The following TEX11 variants were observed in gnomAD, a reference collection of about 807,000 sequenced individuals.
TEX11 encodes testis-expressed protein 11.
TEX11 carries 7 observed loss-of-function variants against 84.4 expected under a neutral mutation model. The ratio of observed to expected loss-of-function variants is 0.08; its 90% CI spans 0.05 to 0.16. The LOEUF is 0.16. Ranked by LOEUF, TEX11 falls within the 10% of genes least tolerant of loss-of-function variation. The pLI is 1.00. For missense variants in TEX11, 551 were observed against 660.5 expected, an observed-to-expected ratio of 0.83 and a Z score of 1.82; for synonymous variants, 264 against 222.8, an observed-to-expected ratio of 1.18 and a Z score of -1.64.
intron 5 of TEX11, among the ~76,000 whole-genome samples, chrX:70,854,872 C>T (rs1300977306): frequency 9.5e-6 from 1 of 105,095 alleles, no homozygotes; most frequent in African/African-American, 3.5e-5. Flanking sequence ...ACGGTGAGAC[C>T]CCCATCTCTG....
At chrX:70,789,168 C>T (rs1193800249) in intron 9 of TEX11, among the ~76,000 whole-genome samples, 22 of 103,859 alleles carry the variant, frequency 2.1e-4, no homozygotes, top group African/African-American at 6.7e-4. Flanking sequence ...AAATACAACA[C>T]GACCCTGTCT....
chrX:70,553,295 T>C lies in TEX11; in HGVS notation c.2399+11A>G. The C allele has an allele frequency of 8.8e-7, 1 of 1,132,412 alleles. No individual in the cohort carries two copies. Among genetic ancestry groups the C allele is most frequent in the Admixed American group, 2.4e-5 (1 of 42,310 alleles). 93.3% of individuals were successfully genotyped at this position (1,132,412 alleles called of 1,213,427 possible). ...TTTGGCTAGCAAAAAGGCTGGATTG[T>C]ATTTACTAACCTGTATTGTGATATA... On this transcript the variant is annotated intron_variant, in intron 27 of 29. Coordinates refer to ENST00000374333, the MANE Select transcript of TEX11 (RefSeq NM_031276.3).
chrX:70,545,666 A>G (rs1448504704), intron 28 of TEX11, among the ~76,000 whole-genome samples: 8 of 112,677 alleles, frequency 7.1e-5, no homozygotes, highest in African/African-American at 2.6e-4. Context: ...GTAATTTGTT[A>G]TATCATTAAC....
the TEX11 span, among the ~76,000 whole-genome samples, chrX:70,520,397 A>G: frequency 8.9e-6 from 1 of 111,923 alleles, no homozygotes; most frequent in Admixed American, 9.5e-5. Context: ...GGTCTGTTGG[A>G]GTTTGCTGGA....
At chrX:70,516,220 G>A in the TEX11 span, among the ~76,000 whole-genome samples, 293 of 112,100 alleles carry the variant, frequency 2.6e-3, no homozygotes, top group African/African-American at 9.2e-3. Context: ...GAATGGTATT[G>A]CCTAGGTTTT....
At chrX:70,640,875 A>C (rs2089647791) in intron 17 of TEX11, among the ~76,000 whole-genome samples, 1 of 110,492 alleles carries the variant, frequency 9.1e-6, no homozygotes, top group South Asian at 4.1e-4. Flanking sequence ...CGGGCAAAAG[A>C]ACCAGCTAAC....
chrX:70,834,381 A>G (rs1282206356), intron 7 of TEX11, among the ~76,000 whole-genome samples: 2 of 110,708 alleles, frequency 1.8e-5, no homozygotes, highest in Non-Finnish European at 3.8e-5. Context: ...CTACCATTCT[A>G]TGTCTGAACA....
At chrX:70,665,751 C>G (rs2089970651) in intron 16 of TEX11, among the ~76,000 whole-genome samples, 1 of 111,800 alleles carries the variant, frequency 8.9e-6, no homozygotes, top group South Asian at 3.8e-4. Context: ...AACTTCTGAC[C>G]TATGATTCAA....
chrX:70,719,753 A>G (rs2090539776), intron 13 of TEX11, among the ~76,000 whole-genome samples: 1 of 112,117 alleles, frequency 8.9e-6, no homozygotes, highest in South Asian at 3.7e-4. Context: ...TATGCAGCCA[A>G]AAGATACGTG....
At chrX:70,840,454 T>G (rs2091435704) in intron 7 of TEX11, among the ~76,000 whole-genome samples, 1 of 111,603 alleles carries the variant, frequency 9.0e-6, no homozygotes, top group African/African-American at 3.3e-5. Context: ...CCACCAGGCC[T>G]GCCCTAAAAG....
In TEX11 at chrX:70,607,010, T is replaced by C. The variant is rs1445641437; in HGVS notation, c.1899A>G (p.Gln633=). 4 of 1,193,701 alleles carry C rather than the reference T, an allele frequency of 3.4e-6. No individual in the cohort carries two copies. Among genetic ancestry groups the C allele is most frequent in the East Asian group, 3.0e-5 (1 of 33,606 alleles). Residue 633 remains glutamine, a synonymous_variant, in exon 23 of 30, where the codon CAA becomes CAG. Coordinates refer to ENST00000374333, the MANE Select transcript of TEX11 (RefSeq NM_031276.3). ...FRKTAWNLAV[Q]CDKDPVMMRE... ...TCATCATCACTGGATCTTTGTCACA[T>C]TGCACAGCCAAGTTCCAAGCTGGAA...
intron 25 of TEX11, 24 bp from the exon 26 acceptor site, chrX:70,554,824 C>T: frequency 1.7e-6 from 2 of 1,179,742 alleles, no homozygotes; most frequent in Non-Finnish European, 2.3e-6. Flanking sequence ...AAAAATGCAA[C>T]ATTCTTTGTG....
At chrX:70,885,090 G>C (rs1351488455) in intron 2 of TEX11, among the ~76,000 whole-genome samples, 1 of 110,993 alleles carries the variant, frequency 9.0e-6, no homozygotes, top group Non-Finnish European at 1.9e-5. Context: ...CCCAGAACAA[G>C]CAGACAAAAA....
the TEX11 span, among the ~76,000 whole-genome samples, chrX:70,515,065 T>TCACACACACACACACA: frequency 1.1e-5 from 1 of 87,619 alleles, no homozygotes; most frequent in Non-Finnish European, 2.1e-5. Flanking sequence ...TGAAACTCGG[T>TCACACACACACACACA]CACACACACA....
At chrX:70,638,796 CAAAA>C (rs746998217) in intron 17 of TEX11, among the ~76,000 whole-genome samples, 1 of 53,972 alleles carries the variant, frequency 1.9e-5, no homozygotes, top group Non-Finnish European at 3.1e-5. Context: ...GCAACTGTCT[CAAAA>C]AAAAAAAAAA....
At chrX:70,716,494 C>T (rs969457830) in intron 13 of TEX11, among the ~76,000 whole-genome samples, 1 of 112,291 alleles carries the variant, frequency 8.9e-6, no homozygotes. Context: ...CAATGGTGGG[C>T]GCCCCTCCCC....
At chrX:70,847,992 TTA>T (rs760168608) in intron 7 of TEX11, among the ~76,000 whole-genome samples, 19 of 112,070 alleles carry the variant, frequency 1.7e-4, no homozygotes, top group African/African-American at 5.5e-4. Context: ...ATTGCTTCCT[TTA>T]TATGTCTCCT....
At position 70,750,933 on chromosome X, in the gene TEX11, A is replaced by AAAAATATAT. The variant is rs1390175136; in HGVS notation, c.693-6715_693-6714insATATATTTT. 9.2e-4 allele frequency among the ~76,000 whole-genome samples: 26 copies of AAAAATATAT among 28,194 alleles called. No individual in the cohort carries two copies. In the East Asian group the frequency reaches 0.023, roughly 25 times the overall value. 24.5% of individuals were successfully genotyped at this position (28,194 alleles called of 115,157 possible). On this transcript the variant is annotated intron_variant, in intron 9 of 29. Coordinates refer to ENST00000374333, the MANE Select transcript of TEX11 (RefSeq NM_031276.3). ...ACTTAAAGTATAATAAAAAAAAAAA[A>AAAAATATAT]ATATATATATATATATATATATATA... is the stretch of plus-strand genomic sequence containing the variant.
intron 4 of TEX11, among the ~76,000 whole-genome samples, chrX:70,862,915 C>CA (rs201281457): frequency 0.017 from 1,168 of 67,797 alleles, 21 homozygotes; most frequent in African/African-American, 0.056. Flanking sequence ...AACTCCAACT[C>CA]AAAAAAAAAA....
Sources: gnomAD v4.1 joint callset for allele counts (sites outside exome capture counted in the v4.1 genomes callset) on GRCh38, gnomAD v4.1.1 for gene constraint, MANE v1.5 for transcripts, NCBI Gene and HGNC (gene_info 2026-07-23, HGNC 2026-07-21) for gene names.